Variants in BCAS3 observed in about 807,000 individuals in gnomAD.
BCAS3 encodes BCAS3 microtubule associated cell migration factor, also known as BCAS4/BCAS3 fusion.
Under a neutral mutation model 116.1 loss-of-function variants are expected in BCAS3, and 53 were observed. The ratio of observed to expected loss-of-function variants is 0.46; its 90% confidence interval spans 0.37 to 0.57. The LOEUF (loss-of-function observed/expected upper bound fraction) is 0.57. Among genes scored for constraint, BCAS3 ranks in the 20% least tolerant of loss-of-function variants. BCAS3 has a pLI of 0.00. For synonymous variants in BCAS3, 391 were observed against 408.2 expected (o/e 0.96, Z 0.51); for missense variants, 917 against 1,165.4 (o/e 0.79, Z 3.10).
chr17:61,006,115 A>G lies in BCAS3; in HGVS notation c.1487-9636A>G, dbSNP rs538634054. Among the ~76,000 whole-genome samples, 10 of 152,214 alleles carry G rather than the reference A, an allele frequency of 6.6e-5. No individual in the cohort carries two copies. In the East Asian group the frequency reaches 1.9e-3, roughly 29 times the overall value. ...TTCCAATTTCATCCATGTCCCTACA[A>G]AGGACATGAACTCATCATTTTTCAT... On this transcript the variant is annotated intron_variant, in intron 15 of 23. Transcript: ENST00000407086.
intron 14 of BCAS3, among the ~76,000 whole-genome samples, chr17:60,953,582 T>C (rs1356356984): frequency 6.6e-6 from 1 of 152,188 alleles, no homozygotes; most frequent in East Asian, 1.9e-4. Flanking sequence ...TGGAGCCCAT[T>C]TGTCAATTTT....
intron 2 of BCAS3, among the ~76,000 whole-genome samples, chr17:60,680,467 G>A (rs912889300): frequency 9.2e-5 from 14 of 151,986 alleles, no homozygotes; most frequent in African/African-American, 3.1e-4. Context: ...TGGTGTTCCC[G>A]TCTATGTATC....
At chr17:61,100,614 G>A (rs565533390) in intron 22 of BCAS3, among the ~76,000 whole-genome samples, 23 of 152,140 alleles carry the variant, frequency 1.5e-4, no homozygotes, top group African/African-American at 4.3e-4. Flanking sequence ...TGTACTCCCC[G>A]TAGCTCCCTG....
chr17:61,052,297 A>C (rs1455203283), intron 19 of BCAS3, among the ~76,000 whole-genome samples: 1 of 151,842 alleles, frequency 6.6e-6, no homozygotes, highest in Non-Finnish European at 1.5e-5. Context: ...AAGTATATTA[A>C]TTCTTTTTCT....
At chr17:60,920,534 A>G (rs1055491540) in intron 12 of BCAS3, among the ~76,000 whole-genome samples, 1 of 152,206 alleles carries the variant, frequency 6.6e-6, no homozygotes, top group East Asian at 1.9e-4. Context: ...TCAAAGCCAC[A>G]TGAGATGCCA....
intron 22 of BCAS3, among the ~76,000 whole-genome samples, chr17:61,210,799 T>C (rs2144331577): frequency 6.6e-6 from 1 of 152,330 alleles, no homozygotes; most frequent in Middle Eastern, 3.4e-3. Context: ...TCCCATCTCA[T>C]AGCCAGTTGT....
At chr17:60,915,597 G>T (rs527283024) in intron 12 of BCAS3, among the ~76,000 whole-genome samples, 1 of 137,032 alleles carries the variant, frequency 7.3e-6, no homozygotes, top group South Asian at 2.1e-4. Flanking sequence ...AATACATTAT[G>T]TAATATTTTA....
At chr17:61,225,772 C>T (rs1431822667) in intron 22 of BCAS3, among the ~76,000 whole-genome samples, 1 of 152,046 alleles carries the variant, frequency 6.6e-6, no homozygotes, top group Non-Finnish European at 1.5e-5. Context: ...GTATTTGATG[C>T]ACGTGTAATC....
At chr17:60,857,645 G>A (rs1189274156) in intron 7 of BCAS3, among the ~76,000 whole-genome samples, 1 of 152,136 alleles carries the variant, frequency 6.6e-6, no homozygotes, top group Non-Finnish European at 1.5e-5. Context: ...AATTAAGATT[G>A]TCTTGCTATG....
chr17:61,391,716 C>T lies in BCAS3; in HGVS notation c.2594-261C>T, dbSNP rs957781849. 19 of 487,754 alleles carry T rather than the reference C, an allele frequency of 3.9e-5. No homozygotes were observed. The highest frequency in any genetic ancestry group is 5.5e-5 in the Non-Finnish European group (15 of 270,704). The allele number at this position is 487,754 out of a possible 1,614,324, so 30.2% of individuals were successfully genotyped here. ...ACACATCGTCAGGGTGGCCGTGCTT[C>T]GGGCCTAAAGGGCTTCCCGCAGCAG... is the stretch of plus-strand genomic sequence containing the variant. On this transcript the variant is annotated intron_variant, in intron 23 of 23. Coordinates refer to ENST00000407086, the MANE Select transcript of BCAS3 (RefSeq NM_017679.5). The surrounding 1 kb of genome is among the most constrained non-coding windows in gnomAD (Gnocchi z 7.7).
Position 61,213,037 on chromosome 17 carries a change from G to A in BCAS3, c.2425+128473G>A, listed in dbSNP as rs2081561971. On this transcript the variant is annotated intron_variant, in intron 22 of 23. Coordinates refer to ENST00000407086, the MANE Select transcript of BCAS3 (RefSeq NM_017679.5). This position sits in a 1 kb window ranked among gnomAD's most constrained non-coding sequence, Gnocchi z 5.4. ...TTTGAATCCCAACTAGATAGTTTGG[G>A]ATAGTTCTTTGGGGCAGGACCCATG... Among the ~76,000 whole-genome samples the A allele has an allele frequency of 1.3e-5, 2 of 152,078 alleles. No homozygotes were observed. Among genetic ancestry groups the A allele is most frequent in the Non-Finnish European group, 1.5e-5 (1 of 68,016 alleles).
At chr17:60,846,423 G>A (rs576600618) in intron 7 of BCAS3, among the ~76,000 whole-genome samples, 3 of 152,306 alleles carry the variant, frequency 2.0e-5, no homozygotes, top group African/African-American at 7.2e-5. Flanking sequence ...GTACTCTGCT[G>A]TTACTGGGTA....
At position 60,749,381 on chromosome 17, in the gene BCAS3, T is replaced by A. The variant is rs182319844; in HGVS notation, c.403+2102T>A. The stretch of plus-strand genomic sequence containing the variant: ...TTTTACTTTCTGGAAATCCATACAA[T>A]GTTGGCTTTGTTCCCAATGTTCTGA... On this transcript the variant is annotated intron_variant, in intron 6 of 23. Coordinates refer to ENST00000407086, the MANE Select transcript of BCAS3 (RefSeq NM_017679.5). Among the ~76,000 whole-genome samples, 23 of 152,222 alleles carry A rather than the reference T, an allele frequency of 1.5e-4. 1 individual carries two copies. Among genetic ancestry groups the A allele is most frequent in the Admixed American group, 1.5e-3 (23 of 15,278 alleles).
rs2081740347 is a variant in BCAS3 at position 61,215,682 on chromosome 17, CACATTT to C, written c.2425+131121_2425+131126del. On this transcript the variant is annotated intron_variant, in intron 22 of 23. Transcript: ENST00000407086. This position sits in a 1 kb window ranked among gnomAD's most constrained non-coding sequence, Gnocchi z 4.8. ...ACCTCTCCCAATTTCCATCTCTTTT[CACATTT>C]ACCTCCTTAATTTGCTAACCCCTCA... 6.6e-6 allele frequency among the ~76,000 whole-genome samples: 1 copy of C among 152,198 alleles called. No individual in the cohort carries two copies. The highest frequency in any genetic ancestry group is 6.5e-5 in the Admixed American group (1 of 15,280).
At chr17:61,369,798 G>A (rs920359373) in intron 23 of BCAS3, among the ~76,000 whole-genome samples, 3 of 152,250 alleles carry the variant, frequency 2.0e-5, no homozygotes, top group African/African-American at 4.8e-5. Flanking sequence ...GAGATGAGAA[G>A]CATTTACCAG....
At chr17:61,064,512 C>T (rs1354913416) in intron 19 of BCAS3, among the ~76,000 whole-genome samples, 1 of 152,062 alleles carries the variant, frequency 6.6e-6, no homozygotes, top group Non-Finnish European at 1.5e-5. Context: ...GTCAAATGAC[C>T]TCTTGGTAGC....
intron 7 of BCAS3, among the ~76,000 whole-genome samples, chr17:60,856,342 CA>C (rs2053670090): frequency 6.6e-6 from 1 of 151,880 alleles, no homozygotes; most frequent in Non-Finnish European, 1.5e-5. Flanking sequence ...TATGAAAATC[CA>C]AAAAAGTTGT....
In BCAS3 at chr17:61,367,636, C is replaced by T. The variant is rs920993053; in HGVS notation, c.2426-691C>T. The T allele has an allele frequency of 3.3e-5, 5 of 152,146 alleles. No individual in the cohort carries two copies. Among genetic ancestry groups the T allele is most frequent in the African/African-American group, 1.2e-4 (5 of 41,416 alleles). The allele number at this position is 152,146 out of a possible 1,614,324, so 9.4% of individuals were successfully genotyped here. A position where few individuals can be genotyped will look rare whatever the true frequency, so the allele number is the denominator to read the frequency against. The stretch of plus-strand genomic sequence containing the variant: ...GTTCTCAACTGAGGCATCAGGAGAG[C>T]GAGTTCTTGGACCTCGTCTGCCACA... On this transcript the variant is annotated intron_variant, in intron 22 of 23. Transcript: ENST00000407086. The surrounding 1 kb of genome is among the most constrained non-coding windows in gnomAD (Gnocchi z 6.2).
In BCAS3 at chr17:61,343,539, A is replaced by G. The variant is rs949380020; in HGVS notation, c.2426-24788A>G. On this transcript the variant is annotated intron_variant, in intron 22 of 23. Transcript: ENST00000407086. The surrounding 1 kb of genome is among the most constrained non-coding windows in gnomAD (Gnocchi z 5.5). The stretch of plus-strand genomic sequence containing the variant: ...AGTCTGGAGTGGGCCTTGTAGCTCC[A>G]TGCATTTGAAAAACTCACTTGATGT... Among the ~76,000 whole-genome samples, 2 of 152,202 alleles carry G rather than the reference A, an allele frequency of 1.3e-5. No homozygotes were observed. Among genetic ancestry groups the G allele is most frequent in the Non-Finnish European group, 2.9e-5 (2 of 68,032 alleles).
Sources: allele counts gnomAD v4.1 joint callset (sites outside exome capture counted in the v4.1 genomes callset), GRCh38; gene constraint gnomAD v4.1.1; non-coding constraint Gnocchi (gnomAD v3.1); transcripts MANE v1.5; gene names NCBI Gene and HGNC (gene_info 2026-07-23, HGNC 2026-07-21).